Variants in C10orf90 observed in about 807,000 individuals in gnomAD.
C10orf90 encodes (E2-independent) E3 ubiquitin-conjugating enzyme FATS.
In C10orf90, 56 loss-of-function variants were observed where a neutral mutation model predicts 62.5. The ratio of observed to expected loss-of-function variants is 0.90; its 90% CI spans 0.72 to 1.12. The LOEUF (loss-of-function observed/expected upper bound fraction) is 1.12, where lower values mean the gene tolerates loss of function less well. C10orf90 is among the 50% of genes most tolerant of loss of function. The pLI is 0.00. For synonymous variants in C10orf90, 386 were observed against 340.4 expected, an observed-to-expected ratio of 1.13 and a Z score of -1.47; for missense variants, 970 against 880.4, an observed-to-expected ratio of 1.10 and a Z score of -1.29.
intron 4 of C10orf90, among the ~76,000 whole-genome samples, chr10:126,498,143 G>C (rs1862171583): frequency 1.3e-5 from 2 of 152,210 alleles, no homozygotes; most frequent in South Asian, 4.1e-4. Flanking sequence ...CAGCAGAAAG[G>C]CTTTGCGTCT....
At chr10:126,651,846 A>T (rs1262293552) in intron 1 of C10orf90, among the ~76,000 whole-genome samples, 1 of 152,214 alleles carries the variant, frequency 6.6e-6, no homozygotes, top group African/African-American at 2.4e-5. Context: ...AAAGATAGAC[A>T]TTATTGGAGT....
intron 2 of C10orf90, among the ~76,000 whole-genome samples, chr10:126,560,681 G>T (rs946626879): frequency 1.3e-5 from 2 of 152,122 alleles, no homozygotes; most frequent in African/African-American, 4.8e-5. Flanking sequence ...GTCAGCAAAC[G>T]TCTTCTGAAA....
At chr10:126,652,718 T>A (rs1374842741) in intron 1 of C10orf90, among the ~76,000 whole-genome samples, 1 of 152,190 alleles carries the variant, frequency 6.6e-6, no homozygotes, top group Non-Finnish European at 1.5e-5. Context: ...GGAGAATAAC[T>A]CCAAAATATA....
chr10:126,528,607 G>A (rs1462635800), intron 2 of C10orf90, among the ~76,000 whole-genome samples: 2 of 152,212 alleles, frequency 1.3e-5, no homozygotes, highest in African/African-American at 2.4e-5. Flanking sequence ...CAGCTGGACC[G>A]TGATCAAGGC....
rs571315581 is a variant in C10orf90, at chr10:126,552,858, G to A, written c.314-38919C>T. ...CAATATCTATATCTTAGGGTTATGA[G>A]AATTAATGAATGGAAAACATGGAAA... On this transcript the variant is annotated intron_variant, in intron 2 of 9. Transcript: ENST00000488181. 3.9e-5 allele frequency among the ~76,000 whole-genome samples: 6 copies of A among 152,306 alleles called. No homozygotes were observed. In the East Asian group the frequency reaches 1.2e-3, roughly 29 times the overall value.
intron 2 of C10orf90, among the ~76,000 whole-genome samples, chr10:126,585,396 GAAGA>G (rs373899009): frequency 3.7e-5 from 5 of 136,654 alleles, no homozygotes; most frequent in South Asian, 2.3e-4. Context: ...AGGAAAGAAG[GAAGA>G]AAAGGAGGGA....
intron 2 of C10orf90, among the ~76,000 whole-genome samples, chr10:126,587,783 C>T (rs1485237817): frequency 6.6e-6 from 1 of 152,014 alleles, no homozygotes; most frequent in Non-Finnish European, 1.5e-5. Flanking sequence ...ATGAAGCCAG[C>T]AAAATGATTT....
At chr10:126,629,551 C>CA (rs1170146164) in intron 2 of C10orf90, among the ~76,000 whole-genome samples, 1 of 152,190 alleles carries the variant, frequency 6.6e-6, no homozygotes, top group African/African-American at 2.4e-5. Flanking sequence ...CAGATGCAGA[C>CA]ATCTGAAGGG....
At chr10:126,614,936 T>C (rs1845510122) in intron 2 of C10orf90, among the ~76,000 whole-genome samples, 1 of 152,154 alleles carries the variant, frequency 6.6e-6, no homozygotes, top group Non-Finnish European at 1.5e-5. Flanking sequence ...TGTGCTGAAA[T>C]GACATATGTT....
At chr10:126,506,101 A>G (rs973712069) in intron 3 of C10orf90, among the ~76,000 whole-genome samples, 1 of 152,256 alleles carries the variant, frequency 6.6e-6, no homozygotes, top group Non-Finnish European at 1.5e-5. Flanking sequence ...GCTTTGCTGC[A>G]TTTCAATGAT....
In C10orf90 at chr10:126,478,856, G is replaced by T. The variant is rs74990691; in HGVS notation, c.1535-13870C>A. On this transcript the variant is annotated intron_variant, in intron 4 of 9. Transcript: ENST00000488181. ...AGGGGAGAAGGATATGGAGCTGCCT[G>T]CAGGAACTGGAGGAGATCTGAGATG... Among the ~76,000 whole-genome samples the T allele has an allele frequency of 4.3e-3, 657 of 152,310 alleles. 3 individuals are homozygous for T. The highest frequency in any genetic ancestry group is 0.015 in the African/African-American group (625 of 41,574).
chr10:126,670,094 G>C (rs548384185), intron 1 of C10orf90, 147 bp downstream of exon 1: 5 of 330,064 alleles, frequency 1.5e-5, no homozygotes, highest in Admixed American at 4.2e-5. Context: ...AATGAAGAAG[G>C]CTTTTCCAAA....
At chr10:126,447,063 A>G (rs1858830882) in intron 7 of C10orf90, among the ~76,000 whole-genome samples, 1 of 152,116 alleles carries the variant, frequency 6.6e-6, no homozygotes, top group Non-Finnish European at 1.5e-5. Flanking sequence ...GCATGCTACT[A>G]CATCAAACCA....
intron 4 of C10orf90, among the ~76,000 whole-genome samples, chr10:126,465,682 C>A (rs150402488): frequency 6.6e-6 from 1 of 152,124 alleles, no homozygotes; most frequent in Non-Finnish European, 1.5e-5. Context: ...GGTTTAAAGA[C>A]GTGTACAACA....
chr10:126,617,155 G>A (rs1418827879), intron 2 of C10orf90, among the ~76,000 whole-genome samples: 1 of 152,130 alleles, frequency 6.6e-6, no homozygotes, highest in Non-Finnish European at 1.5e-5. Flanking sequence ...TCTGTGTGGC[G>A]GGGTGAATTT....
chr10:126,445,478 C>G (rs1448555750), intron 7 of C10orf90, among the ~76,000 whole-genome samples: 1 of 152,108 alleles, frequency 6.6e-6, no homozygotes, highest in African/African-American at 2.4e-5. Flanking sequence ...CACCTTACTT[C>G]TGCAAGAATG....
chr10:126,470,304 C>G (rs531604955), intron 4 of C10orf90: 2 of 308,370 alleles, frequency 6.5e-6, no homozygotes, highest in African/African-American at 4.3e-5. Context: ...GTACTCCAAT[C>G]GCACAGCTTT....
chr10:126,596,138 T>TAAAA (rs34919079), intron 2 of C10orf90, among the ~76,000 whole-genome samples: 5 of 126,646 alleles, frequency 3.9e-5, no homozygotes, highest in African/African-American at 1.2e-4. Context: ...ATCTCTTATT[T>TAAAA]AAAAAAAAAA....
At chr10:126,571,886 T>C (rs547373045) in intron 2 of C10orf90, among the ~76,000 whole-genome samples, 15 of 152,280 alleles carry the variant, frequency 9.9e-5, no homozygotes, top group Non-Finnish European at 1.6e-4. Context: ...TCAGGCCTTA[T>C]ACACTTCCTG....
Sources: allele counts gnomAD v4.1 joint callset (sites outside exome capture counted in the v4.1 genomes callset), GRCh38; gene constraint gnomAD v4.1.1; transcripts MANE v1.5; gene names NCBI Gene and HGNC (gene_info 2026-07-23, HGNC 2026-07-21).